Variants in ZNF445 observed in about 807,000 individuals in gnomAD.
ZNF445 encodes zinc finger protein 168.
A neutral mutation model predicts 93.9 loss-of-function variants in ZNF445; 19 were observed. That is an observed-to-expected ratio of 0.20 (90% CI 0.14 to 0.30). The LOEUF is 0.30. Ranked by LOEUF, ZNF445 falls within the 10% of genes least tolerant of loss-of-function variation. The pLI is 1.00. For missense variants in ZNF445, 1,058 were observed against 1,259.4 expected (o/e 0.84, Z 2.42); for synonymous variants, 449 against 446.3 (o/e 1.01, Z -0.08).
intron 1 of ZNF445, among the ~76,000 whole-genome samples, chr3:44,463,688 A>G (rs1015775851): frequency 6.6e-6 from 1 of 152,172 alleles, no homozygotes; most frequent in Non-Finnish European, 1.5e-5. Flanking sequence ...GCACACTTGG[A>G]TCAGAAAAGC....
At position 44,450,549 on chromosome 3, in the gene ZNF445, C is replaced by T; in HGVS notation, c.718G>A (p.Glu240Lys). 2 of 1,614,152 alleles carry T rather than the reference C, an allele frequency of 1.2e-6. No individual in the cohort carries two copies. Among genetic ancestry groups the T allele is most frequent in the Non-Finnish European group, 1.7e-6 (2 of 1,180,022 alleles). Residue 240 changes from glutamate to lysine, a missense_variant, in exon 6 of 8, where the codon GAG becomes AAG. Coordinates refer to ENST00000396077, the MANE Select transcript of ZNF445 (RefSeq NM_181489.6). ...CACTCGTCCTGGGAGAAGGTCACCT[C>T]CACATCCTTGAAAGTCATGGTCTCC... is the stretch of plus-strand genomic sequence containing the variant. ...LQETMTFKDV[E>K]VTFSQDEWGW...
intron 2 of ZNF445, among the ~76,000 whole-genome samples, chr3:44,456,845 G>C (rs937300153): frequency 6.6e-6 from 1 of 152,130 alleles, no homozygotes; most frequent in East Asian, 1.9e-4. Context: ...CATAAAATGT[G>C]GTGTCCAAGG....
chr3:44,433,313 G>C lies in ZNF445; in HGVS notation c.*13262C>G, dbSNP rs1282424086. The C allele has an allele frequency of 2.6e-5, 4 of 152,112 alleles. No homozygotes were observed. Among genetic ancestry groups the C allele is most frequent in the Non-Finnish European group, 5.9e-5 (4 of 68,040 alleles). 9.4% of individuals were successfully genotyped at this position (152,112 alleles called of 1,614,324 possible). Reference sequence around the variant, plus strand: ...ATTTTTAGTAGAGACAGGGAGTTCAGACTGGTCTCGAACTCCCGTTCTCAG... The same window carrying C: ...ATTTTTAGTAGAGACAGGGAGTTCACACTGGTCTCGAACTCCCGTTCTCAG... On this transcript the variant is annotated 3_prime_UTR_variant, in exon 8 of 8. Coordinates refer to ENST00000396077, the MANE Select transcript of ZNF445 (RefSeq NM_181489.6).
At chr3:44,454,185 G>A (rs1186003498) in intron 3 of ZNF445, among the ~76,000 whole-genome samples, 2 of 149,630 alleles carry the variant, frequency 1.3e-5, no homozygotes, top group African/African-American at 4.9e-5. Context: ...GAGTGGTGGG[G>A]TATGCCTCAA....
At chr3:44,474,984 G>A (rs1698325583) in intron 1 of ZNF445, among the ~76,000 whole-genome samples, 1 of 152,060 alleles carries the variant, frequency 6.6e-6, no homozygotes, top group Non-Finnish European at 1.5e-5. Context: ...TGTAATCCCA[G>A]CTACTCAGGA....
intron 1 of ZNF445, among the ~76,000 whole-genome samples, chr3:44,471,237 G>C (rs558447484): frequency 6.6e-6 from 1 of 152,216 alleles, no homozygotes; most frequent in African/African-American, 2.4e-5. Flanking sequence ...GTCCCTAAAA[G>C]CTTCTTTATC....
chr3:44,466,885 A>C (rs568474703), intron 1 of ZNF445, among the ~76,000 whole-genome samples: 36 of 152,296 alleles, frequency 2.4e-4, no homozygotes, highest in African/African-American at 7.9e-4. Context: ...GTACATTATT[A>C]TAATTGTTAT....
chr3:44,446,689 A>C lies in ZNF445; in HGVS notation c.2982T>G (p.Ile994Met). ...GKTFNKSSQL[I>M]SHKRFHTRER... The stretch of plus-strand genomic sequence containing the variant: ...CTCGAGTATGAAATCTCTTGTGGCT[A>C]ATGAGTTGTGAACTCTTGTTAAAAG... The change falls in exon 8 of 8, where the codon ATT (isoleucine) becomes ATG (methionine). Residue 994 changes from isoleucine (I) to methionine (M), a missense_variant. Transcript: ENST00000396077. This position sits in a 1 kb window ranked among gnomAD's most constrained non-coding sequence, Gnocchi z 4.2. The C allele has an allele frequency of 1.2e-6, 2 of 1,614,198 alleles. No individual in the cohort carries two copies. Among genetic ancestry groups the C allele is most frequent in the South Asian group, 1.1e-5 (1 of 91,076 alleles).
In ZNF445 at chr3:44,431,746, C is replaced by G. The variant is rs1210456824; in HGVS notation, c.*14829G>C. The G allele has an allele frequency of 6.6e-6, 1 of 151,840 alleles. No individual in the cohort carries two copies. The highest frequency in any genetic ancestry group is 1.5e-5 in the Non-Finnish European group (1 of 67,992). 9.4% of individuals were successfully genotyped at this position (151,840 alleles called of 1,614,324 possible). A position where few individuals can be genotyped will look rare whatever the true frequency, so the allele number is the denominator to read the frequency against. On this transcript the variant is annotated 3_prime_UTR_variant, in exon 8 of 8. Transcript: ENST00000396077. Reference sequence around the variant, plus strand: ...CAAGACAGACAATACTTTATTACTTCATTTCTATAAAGTACAAAAACAGGC... The same window carrying G: ...CAAGACAGACAATACTTTATTACTTGATTTCTATAAAGTACAAAAACAGGC...
At chr3:44,453,317 C>T (rs567356175) in intron 3 of ZNF445, among the ~76,000 whole-genome samples, 11 of 150,264 alleles carry the variant, frequency 7.3e-5, no homozygotes, top group Admixed American at 2.7e-4. Context: ...TTTTTTTAGA[C>T]AGCGTCTTGT....
chr3:44,456,102 G>A (rs1252531789), intron 2 of ZNF445, among the ~76,000 whole-genome samples: 1 of 152,100 alleles, frequency 6.6e-6, no homozygotes, highest in Non-Finnish European at 1.5e-5. Context: ...ATGTGGAAAG[G>A]CAATGGGATT....
chr3:44,460,514 T>TAAA (rs2125682414), intron 1 of ZNF445, among the ~76,000 whole-genome samples: 1 of 152,328 alleles, frequency 6.6e-6, no homozygotes, highest in East Asian at 1.9e-4. Context: ...GACCCTGCAC[T>TAAA]TGATGGATTA....
In ZNF445 at chr3:44,435,705, C is replaced by G. The variant is rs115997036; in HGVS notation, c.*10870G>C. The G allele has an allele frequency of 1.0e-3, 157 of 152,316 alleles. No individual in the cohort carries two copies. Among genetic ancestry groups the G allele is most frequent in the African/African-American group, 3.6e-3 (148 of 41,576 alleles). 9.4% of individuals were successfully genotyped at this position (152,316 alleles called of 1,614,324 possible). A position where few individuals can be genotyped will look rare whatever the true frequency, so the allele number is the denominator to read the frequency against. On this transcript the variant is annotated 3_prime_UTR_variant, in exon 8 of 8. Transcript: ENST00000396077. Reference sequence around the variant, plus strand: ...TGGATCAGGGAACTAGTGTGGGATTCTGCCCATTGTTGACTATGTCTATTC... The same window carrying G: ...TGGATCAGGGAACTAGTGTGGGATTGTGCCCATTGTTGACTATGTCTATTC...
rs560656049 is a variant in ZNF445, at chr3:44,454,193, C to CA, written c.429+927dup. 7.2e-3 allele frequency among the ~76,000 whole-genome samples: 734 copies of CA among 101,984 alleles called. 7 individuals are homozygous for CA. Among genetic ancestry groups the CA allele is most frequent in the African/African-American group, 0.023 (621 of 27,052 alleles). The allele number at this position is 101,984 out of a possible 152,430, so 66.9% of individuals were successfully genotyped here. A position where few individuals can be genotyped will look rare whatever the true frequency, so the allele number is the denominator to read the frequency against. On this transcript the variant is annotated intron_variant, in intron 3 of 7. Transcript: ENST00000396077. ...TAGCTGGGAGTGGTGGGGTATGCCTCAAAAAAAAAAAGAAAAGAAAAGAAA... is the reference window on the plus strand; with the variant it reads ...TAGCTGGGAGTGGTGGGGTATGCCTCAAAAAAAAAAAAGAAAAGAAAAGAAA...
intron 1 of ZNF445, among the ~76,000 whole-genome samples, chr3:44,460,996 G>A (rs73829651): frequency 0.012 from 1,859 of 152,272 alleles, 34 homozygotes; most frequent in African/African-American, 0.043. Flanking sequence ...CTCTACTGGC[G>A]GGGCACTGCT....
rs952922149 is a variant in ZNF445, at chr3:44,445,208, G to A, written c.*1367C>T. On this transcript the variant is annotated 3_prime_UTR_variant, in exon 8 of 8. Coordinates refer to ENST00000396077, the MANE Select transcript of ZNF445 (RefSeq NM_181489.6). Reference sequence around the variant, plus strand: ...GGCTAGAGACATGAACACAACAATGGTAAGCGTTTATATCTGCTGAGGCCG... The same window carrying A: ...GGCTAGAGACATGAACACAACAATGATAAGCGTTTATATCTGCTGAGGCCG... 4 of 152,222 alleles carry A rather than the reference G, an allele frequency of 2.6e-5. No individual in the cohort carries two copies. The highest frequency in any genetic ancestry group is 9.6e-5 in the African/African-American group (4 of 41,454). 9.4% of individuals were successfully genotyped at this position (152,222 alleles called of 1,614,324 possible). A position where few individuals can be genotyped will look rare whatever the true frequency, so the allele number is the denominator to read the frequency against.
At chr3:44,474,831 T>C (rs374776825) in intron 1 of ZNF445, among the ~76,000 whole-genome samples, 7 of 152,248 alleles carry the variant, frequency 4.6e-5, no homozygotes, top group South Asian at 2.1e-4. Flanking sequence ...CTACAATTAT[T>C]CCAAATAAAA....
At position 44,438,459 on chromosome 3, in the gene ZNF445, GTTAA is replaced by G. The variant is rs1393883027; in HGVS notation, c.*8112_*8115del. 1 of 151,804 alleles carries G rather than the reference GTTAA, an allele frequency of 6.6e-6. No individual in the cohort carries two copies. The highest frequency in any genetic ancestry group is 1.5e-5 in the Non-Finnish European group (1 of 67,972). The allele number at this position is 151,804 out of a possible 1,614,324, so 9.4% of individuals were successfully genotyped here. On this transcript the variant is annotated 3_prime_UTR_variant, in exon 8 of 8. Coordinates refer to ENST00000396077, the MANE Select transcript of ZNF445 (RefSeq NM_181489.6). ...CTACAGGCGCCCGCTGCCACGCCCG[GTTAA>G]TTTTTTGTATTTTTACTAGAGACGG...
intron 1 of ZNF445, among the ~76,000 whole-genome samples, chr3:44,469,018 G>A (rs1306525155): frequency 1.3e-5 from 2 of 149,504 alleles, no homozygotes; most frequent in Admixed American, 1.3e-4. Flanking sequence ...AGTATTTTGG[G>A]AGGATAGTGA....
Sources: allele counts gnomAD v4.1 joint callset (sites outside exome capture counted in the v4.1 genomes callset), GRCh38; gene constraint gnomAD v4.1.1; non-coding constraint Gnocchi (gnomAD v3.1); transcripts MANE v1.5; gene names NCBI Gene and HGNC (gene_info 2026-07-23, HGNC 2026-07-21).